RXFP1: variants seen among roughly 807,000 people sequenced by gnomAD.
The protein encoded by RXFP1 is relaxin family peptide receptor 1.
Under a neutral mutation model 89.8 loss-of-function variants are expected in RXFP1, and 73 were observed. That is an observed-to-expected ratio of 0.81 (90% CI 0.67 to 0.99). The LOEUF (loss-of-function observed/expected upper bound fraction) is 0.99. Ranked by LOEUF, RXFP1 falls within the 50% of genes least tolerant of loss-of-function variation. RXFP1 has a pLI of 0.00. For synonymous variants in RXFP1, 277 were observed against 305.5 expected (o/e 0.91, Z 0.97); for missense variants, 793 against 895.5 (o/e 0.89, Z 1.46).
At chr4:158,526,763 A>G (rs917246355) in intron 1 of RXFP1, among the ~76,000 whole-genome samples, 3 of 99,048 alleles carry the variant, frequency 3.0e-5, no homozygotes, top group African/African-American at 5.9e-5. Flanking sequence ...ATGATAATGA[A>G]TATGCCTTTT....
chr4:158,553,488 A>G (rs1262047503), intron 1 of RXFP1, among the ~76,000 whole-genome samples: 1 of 152,162 alleles, frequency 6.6e-6, no homozygotes, highest in Non-Finnish European at 1.5e-5. Context: ...GACACGGGAC[A>G]GAGGCAAAGA....
rs1281956396 is a variant in RXFP1, at chr4:158,575,645, G to A, written c.187+2810G>A. The stretch of plus-strand genomic sequence containing the variant: ...GGAAACAGCAAGAATACTGCTGTCT[G>A]TGAACCAGAAAGTGGGCCATCACTA... On this transcript the variant is annotated intron_variant, in intron 2 of 17. Transcript: ENST00000307765. 2.0e-5 allele frequency among the ~76,000 whole-genome samples: 3 copies of A among 152,184 alleles called. No homozygotes were observed. The South Asian group carries it at 6.2e-4, about 31-fold the overall frequency.
chr4:158,537,887 T>C (rs1745645208), intron 1 of RXFP1, among the ~76,000 whole-genome samples: 2 of 152,142 alleles, frequency 1.3e-5, no homozygotes, highest in South Asian at 2.1e-4. Flanking sequence ...GAGGGATAGA[T>C]AGAGGGATCC....
At chr4:158,646,622 T>C in intron 15 of RXFP1, 169 bp from the exon 16 acceptor site, 1 of 1,418,028 alleles carries the variant, frequency 7.1e-7, no homozygotes, top group Non-Finnish European at 9.2e-7. Context: ...AAAGAGAGTC[T>C]ATGAATAGAT....
chr4:158,585,439 C>T (rs573705040), intron 2 of RXFP1, among the ~76,000 whole-genome samples: 2 of 152,274 alleles, frequency 1.3e-5, no homozygotes, highest in East Asian at 3.9e-4. Context: ...TTGTCCTCAT[C>T]CCCCAGTGCC....
intron 1 of RXFP1, among the ~76,000 whole-genome samples, chr4:158,524,059 A>G (rs1243951500): frequency 6.6e-6 from 1 of 152,194 alleles, no homozygotes; most frequent in Non-Finnish European, 1.5e-5. Flanking sequence ...TGAAATGGCA[A>G]TCAAATCCTT....
chr4:158,582,039 C>T (rs1003806074), intron 2 of RXFP1, among the ~76,000 whole-genome samples: 5 of 152,174 alleles, frequency 3.3e-5, no homozygotes, highest in South Asian at 2.1e-4. Context: ...AAAGAGAAGT[C>T]GTTCACCCTC....
chr4:158,530,832 A>T (rs964111177), intron 1 of RXFP1, among the ~76,000 whole-genome samples: 1 of 152,208 alleles, frequency 6.6e-6, no homozygotes, highest in African/African-American at 2.4e-5. Flanking sequence ...TTTCTCAACC[A>T]CTGAGCATTC....
At chr4:158,568,988 G>C (rs555381634) in intron 1 of RXFP1, among the ~76,000 whole-genome samples, 1 of 152,160 alleles carries the variant, frequency 6.6e-6, no homozygotes, top group African/African-American at 2.4e-5. Flanking sequence ...TACAAACTTG[G>C]TAAGGATAAT....
At chr4:158,592,618 G>C (rs1008748903) in intron 2 of RXFP1, among the ~76,000 whole-genome samples, 3 of 152,070 alleles carry the variant, frequency 2.0e-5, no homozygotes, top group Non-Finnish European at 4.4e-5. Context: ...TAATAATCAT[G>C]GCTGTCTAGC....
At chr4:158,557,033 C>G (rs1355873126) in intron 1 of RXFP1, among the ~76,000 whole-genome samples, 1 of 152,054 alleles carries the variant, frequency 6.6e-6, no homozygotes, top group Non-Finnish European at 1.5e-5. Context: ...CTATGGTTAA[C>G]AGTAAATTAT....
intron 1 of RXFP1, among the ~76,000 whole-genome samples, chr4:158,542,190 G>A (rs1405430213): frequency 2.0e-5 from 3 of 147,332 alleles, no homozygotes; most frequent in Admixed American, 1.4e-4. Context: ...TGCCTGCCTC[G>A]GCCTCCCAAA....
intron 2 of RXFP1, among the ~76,000 whole-genome samples, chr4:158,583,304 C>T (rs1463922050): frequency 6.6e-6 from 1 of 152,142 alleles, no homozygotes; most frequent in Non-Finnish European, 1.5e-5. Flanking sequence ...CCATTATTTC[C>T]CAAGTACAAC....
intron 1 of RXFP1, among the ~76,000 whole-genome samples, chr4:158,547,713 T>C (rs1446501677): frequency 2.6e-5 from 4 of 152,184 alleles, no homozygotes; most frequent in African/African-American, 9.7e-5. Context: ...ATGTACCCAA[T>C]AGTCATTCAG....
Position 158,639,288 on chromosome 4 carries a change from A to G in RXFP1, c.1072A>G (p.Ile358Val). 1 of 1,572,354 alleles carries G rather than the reference A, an allele frequency of 6.4e-7. No individual in the cohort carries two copies. The highest frequency in any genetic ancestry group is 8.8e-7 in the Non-Finnish European group (1 of 1,142,098). ...LSLEGIEISN[I>V]QQRMFRPLMN... ...CCTAGAAGGGATTGAAATTTCAAAT[A>G]TCCAACAAAGGATGTTTAGACCTCT... The change falls in exon 14 of 18, where the codon ATC becomes GTC. Residue 358 changes from isoleucine (I) to valine (V), a missense_variant. Ile to Val is a conservative substitution (Grantham distance 29, BLOSUM62 3). Coordinates refer to ENST00000307765, the MANE Select transcript of RXFP1 (RefSeq NM_021634.4).
intron 13 of RXFP1, among the ~76,000 whole-genome samples, chr4:158,638,470 C>A (rs1050714191): frequency 2.0e-5 from 3 of 151,912 alleles, no homozygotes; most frequent in East Asian, 3.9e-4. Context: ...CACACACACA[C>A]AAAAAGACAA....
At chr4:158,638,418 C>G (rs899846674) in intron 13 of RXFP1, among the ~76,000 whole-genome samples, 1 of 151,928 alleles carries the variant, frequency 6.6e-6, no homozygotes, top group African/African-American at 2.4e-5. Flanking sequence ...TGTTTTTACC[C>G]CAAGATGGAA....
rs913047816 is a variant in RXFP1 at position 158,638,211 on chromosome 4, A to G, written c.1043+132A>G. The stretch of plus-strand genomic sequence containing the variant: ...CATTAGTTTAGCTCCACAAAAACAT[A>G]TGGGTGCTTGCTGAACTATAAACAG... On this transcript the variant is annotated intron_variant, in intron 13 of 17. Coordinates refer to ENST00000307765, the MANE Select transcript of RXFP1 (RefSeq NM_021634.4). 1.8e-5 allele frequency: 10 copies of G among 555,602 alleles called. No homozygotes were observed. The East Asian group carries it at 1.9e-4, about 11-fold the overall frequency. 34.4% of individuals were successfully genotyped at this position (555,602 alleles called of 1,614,324 possible).
intron 4 of RXFP1, among the ~76,000 whole-genome samples, chr4:158,604,092 G>A (rs1762169938): frequency 6.6e-6 from 1 of 151,778 alleles, no homozygotes; most frequent in Admixed American, 6.6e-5. Context: ...GTTCCAAAGA[G>A]TCCAAGAAAG....
Sources: gnomAD v4.1 joint callset for allele counts (sites outside exome capture counted in the v4.1 genomes callset) on GRCh38, gnomAD v4.1.1 for gene constraint, MANE v1.5 for transcripts, NCBI Gene and HGNC (gene_info 2026-07-23, HGNC 2026-07-21) for gene names.